The following DLGAP1 variants were observed in gnomAD, a reference collection of about 807,000 sequenced individuals.
The protein encoded by DLGAP1 is disks large-associated protein 1.
A neutral mutation model predicts 90.8 loss-of-function variants in DLGAP1; 11 were observed. The ratio of observed to expected loss-of-function variants is 0.12; its 90% CI spans 0.08 to 0.20. DLGAP1 has a LOEUF of 0.20. Among genes scored for constraint, DLGAP1 ranks in the 10% least tolerant of loss-of-function variants. The pLI is 1.00. For missense variants in DLGAP1, 1,050 were observed against 1,333.8 expected (o/e 0.79, Z 3.31); for synonymous variants, 558 against 540.7 (o/e 1.03, Z -0.44).
intron 7 of DLGAP1, among the ~76,000 whole-genome samples, chr18:3,669,527 G>A (rs549834125): frequency 6.6e-6 from 1 of 152,352 alleles, no homozygotes; most frequent in Non-Finnish European, 1.5e-5. Flanking sequence ...TTATGTGTCT[G>A]GTCATTAGAG....
intron 8 of DLGAP1, among the ~76,000 whole-genome samples, chr18:3,579,212 A>G (rs2055340464): frequency 6.6e-6 from 1 of 152,226 alleles, no homozygotes; most frequent in South Asian, 2.1e-4. Flanking sequence ...AAATAGTTAA[A>G]ACGGTCTTTC....
At chr18:4,266,803 T>C (rs529322685) in intron 1 of DLGAP1, among the ~76,000 whole-genome samples, 14 of 152,256 alleles carry the variant, frequency 9.2e-5, no homozygotes, top group African/African-American at 2.9e-4. Context: ...ACAAGCTGTC[T>C]GTGATTTTTT....
rs1182645693 is a variant in DLGAP1 at position 3,880,178 on chromosome 18, T to G, written c.-72-38A>C. The G allele has an allele frequency of 5.0e-6, 5 of 1,007,956 alleles. No individual in the cohort carries two copies. In the South Asian group the frequency reaches 7.3e-5, roughly 15 times the overall value. 62.4% of individuals were successfully genotyped at this position (1,007,956 alleles called of 1,614,324 possible). A position where few individuals can be genotyped will look rare whatever the true frequency, so the allele number is the denominator to read the frequency against. ...AGAAAAGGGCAAAGTCGTTAACATT[T>G]CTCTTGGAAATTAGGTATTGCACTT... is the stretch of plus-strand genomic sequence containing the variant. On this transcript the variant is annotated intron_variant, in intron 3 of 12. Transcript: ENST00000315677.
chr18:4,154,573 A>G (rs1447853908), intron 1 of DLGAP1, among the ~76,000 whole-genome samples: 1 of 152,124 alleles, frequency 6.6e-6, no homozygotes, highest in Non-Finnish European at 1.5e-5. Flanking sequence ...CTACAAAGGT[A>G]TTGCATTTTA....
intron 1 of DLGAP1, among the ~76,000 whole-genome samples, chr18:4,238,437 G>C (rs1598696906): frequency 6.6e-6 from 1 of 152,136 alleles, no homozygotes; most frequent in East Asian, 1.9e-4. Context: ...ACAACTTCTT[G>C]ACAACATTTT....
intron 7 of DLGAP1, among the ~76,000 whole-genome samples, chr18:3,601,064 A>T (rs2056991322): frequency 6.7e-6 from 1 of 148,202 alleles, no homozygotes; most frequent in Non-Finnish European, 1.5e-5. Flanking sequence ...ATATATAGAT[A>T]TATAGATATA....
chr18:4,438,005 C>A (rs992335728), intron 1 of DLGAP1, among the ~76,000 whole-genome samples: 1 of 152,054 alleles, frequency 6.6e-6, no homozygotes, highest in Admixed American at 6.6e-5. Flanking sequence ...GGTAGAGAAA[C>A]AGAATTAACA....
intron 1 of DLGAP1, among the ~76,000 whole-genome samples, chr18:4,420,480 A>T (rs973210261): frequency 6.6e-6 from 1 of 152,122 alleles, no homozygotes; most frequent in African/African-American, 2.4e-5. Context: ...TCAAGTTCCT[A>T]CTTTATCTTT....
In DLGAP1 at chr18:4,217,249, C is replaced by T. The variant is rs144901621; in HGVS notation, c.-266-65962G>A. Among the ~76,000 whole-genome samples, 21 of 152,224 alleles carry T rather than the reference C, an allele frequency of 1.4e-4. No homozygotes were observed. The East Asian group carries it at 3.7e-3, about 27-fold the overall frequency. On this transcript the variant is annotated intron_variant, in intron 1 of 12. Transcript: ENST00000315677. ...TTTTAGCATTGAATAATACTTCACT[C>T]TATTTTTGTACCACAGTTTGTTTAA...
intron 5 of DLGAP1, among the ~76,000 whole-genome samples, chr18:3,793,627 G>A (rs551839257): frequency 1.3e-5 from 2 of 152,228 alleles, no homozygotes; most frequent in East Asian, 3.9e-4. Flanking sequence ...CATGCTGTCT[G>A]GCTCCCTTCC....
intron 1 of DLGAP1, among the ~76,000 whole-genome samples, chr18:4,265,622 TC>T (rs1433081896): frequency 4.2e-5 from 2 of 47,836 alleles, no homozygotes; most frequent in African/African-American, 1.5e-4. Context: ...CTTCCCTCCC[TC>T]CCCTTCCCTC....
intron 10 of DLGAP1, among the ~76,000 whole-genome samples, chr18:3,511,171 G>A (rs2050518808): frequency 6.6e-6 from 1 of 152,174 alleles, no homozygotes; most frequent in South Asian, 2.1e-4. Context: ...CATGAAACAG[G>A]GAGGCTTGGG....
At chr18:3,739,912 T>C (rs1302874213) in intron 6 of DLGAP1, among the ~76,000 whole-genome samples, 1 of 152,226 alleles carries the variant, frequency 6.6e-6, no homozygotes, top group African/African-American at 2.4e-5. Context: ...GTCATGGAAT[T>C]GCAGTGCTTG....
chr18:4,194,017 T>C (rs186645892), intron 1 of DLGAP1, among the ~76,000 whole-genome samples: 1 of 152,338 alleles, frequency 6.6e-6, no homozygotes, highest in Admixed American at 6.5e-5. Flanking sequence ...AATTGGTGGC[T>C]ACATGTGCAG....
chr18:4,155,691 T>G (rs1479758066), intron 1 of DLGAP1, among the ~76,000 whole-genome samples: 9 of 152,168 alleles, frequency 5.9e-5, no homozygotes, highest in African/African-American at 1.7e-4. Context: ...TGAGCTGTTA[T>G]GAATTTGTAA....
chr18:4,201,158 C>T (rs1007135583), intron 1 of DLGAP1, among the ~76,000 whole-genome samples: 12 of 151,850 alleles, frequency 7.9e-5, no homozygotes, highest in East Asian at 3.9e-4. Context: ...AGTTCAGTCC[C>T]GTTTATTTAT....
intron 1 of DLGAP1, among the ~76,000 whole-genome samples, chr18:4,315,206 G>C (rs994325809): frequency 6.6e-6 from 1 of 152,124 alleles, no homozygotes; most frequent in Non-Finnish European, 1.5e-5. Flanking sequence ...GTGAGCCCTA[G>C]GGTTGAAAGA....
intron 1 of DLGAP1, among the ~76,000 whole-genome samples, chr18:4,345,371 T>C (rs1238114277): frequency 6.6e-6 from 1 of 152,214 alleles, no homozygotes; most frequent in African/African-American, 2.4e-5. Flanking sequence ...CAGAAGACTT[T>C]TAAGTTTGAG....
Position 3,569,238 on chromosome 18 carries a change from G to A in DLGAP1, c.1966-1657C>T, listed in dbSNP as rs149418231. ...GCTGGTCTCGAACTCCTGACCTCGT[G>A]ATTTGAGTGCCTCGGCCTCCCAAAT... On this transcript the variant is annotated intron_variant, in intron 8 of 12. Transcript: ENST00000315677. 3.9e-4 allele frequency among the ~76,000 whole-genome samples: 60 copies of A among 151,970 alleles called. 1 individual carries two copies. The highest frequency in any genetic ancestry group is 6.8e-3 in the Middle Eastern group (2 of 294).
Sources: gnomAD v4.1 joint callset for allele counts (sites outside exome capture counted in the v4.1 genomes callset) on GRCh38, gnomAD v4.1.1 for gene constraint, MANE v1.5 for transcripts, NCBI Gene and HGNC (gene_info 2026-07-23, HGNC 2026-07-21) for gene names.